KCTD9: variants seen among roughly 807,000 people sequenced by gnomAD.
KCTD9 encodes the protein potassium channel tetramerization domain containing 9.
A neutral mutation model predicts 53.3 loss-of-function variants in KCTD9; 17 were observed. The ratio of observed to expected loss-of-function variants is 0.32; its 90% confidence interval spans 0.22 to 0.48. The LOEUF (loss-of-function observed/expected upper bound fraction) is 0.48. Among genes scored for constraint, KCTD9 ranks in the 20% least tolerant of loss-of-function variants. The pLI, the probability that KCTD9 is intolerant of heterozygous loss-of-function variation, is 0.99. For synonymous variants in KCTD9, 128 were observed against 162.7 expected, an observed-to-expected ratio of 0.79 and a Z score of 1.62; for missense variants, 179 against 465.5, an observed-to-expected ratio of 0.38 and a Z score of 5.66.
chr8:25,436,346 A>G lies in KCTD9; in HGVS notation c.568-16T>C, dbSNP rs1802018332. 6.2e-7 allele frequency: 1 copy of G among 1,600,418 alleles called. No homozygotes were observed. The highest frequency in any genetic ancestry group is 1.7e-5 in the Admixed American group (1 of 59,990). ...GTTGAGAATTCTTAAAAAAGACATTAAGAAATTAGTGGAGTCTTTTGGGAG... is the reference window on the plus strand; with the variant it reads ...GTTGAGAATTCTTAAAAAAGACATTGAGAAATTAGTGGAGTCTTTTGGGAG... On this transcript the variant is annotated splice_polypyrimidine_tract_variant and intron_variant, in intron 7 of 11. Coordinates refer to ENST00000221200, the MANE Select transcript of KCTD9 (RefSeq NM_017634.4).
rs1330742721 is a variant in KCTD9 at position 25,428,976 on chromosome 8, G to A, written c.*881C>T. 6.6e-6 allele frequency: 1 copy of A among 152,108 alleles called. No individual in the cohort carries two copies. Among genetic ancestry groups the A allele is most frequent in the African/African-American group, 2.4e-5 (1 of 41,420 alleles). The allele number at this position is 152,108 out of a possible 1,614,324, so 9.4% of individuals were successfully genotyped here. A position where few individuals can be genotyped will look rare whatever the true frequency, so the allele number is the denominator to read the frequency against. Reference sequence around the variant, plus strand: ...TAAATGAATATTAATGATGCACCTTGGTTTTTTTGGTTTTGAAGTATCTTC... The same window carrying A: ...TAAATGAATATTAATGATGCACCTTAGTTTTTTTGGTTTTGAAGTATCTTC... On this transcript the variant is annotated 3_prime_UTR_variant, in exon 12 of 12. Transcript: ENST00000221200.
intron 6 of KCTD9, among the ~76,000 whole-genome samples, chr8:25,437,137 A>T (rs1802031582): frequency 6.6e-6 from 1 of 152,212 alleles, no homozygotes; most frequent in African/African-American, 2.4e-5. Flanking sequence ...CATCCAAGGT[A>T]CAGCATCGGG....
At chr8:25,458,162 A>ACCCCCCGCCC in intron 1 of KCTD9, 37 bp downstream of exon 1, 1 of 974,604 alleles carries the variant, frequency 1.0e-6, no homozygotes, top group Non-Finnish European at 1.5e-6. Context: ...CCTCGCCCCG[A>ACCCCCCGCCC]CCCCCGGCCC....
chr8:25,429,680 GA>G lies in KCTD9; in HGVS notation c.*176del, dbSNP rs539804908. The G allele has an allele frequency of 7.6e-3, 3,978 of 525,130 alleles. 22 individuals are homozygous for G. The highest frequency in any genetic ancestry group is 0.011 in the Non-Finnish European group (3,139 of 282,852). 32.5% of individuals were successfully genotyped at this position (525,130 alleles called of 1,614,324 possible). On this transcript the variant is annotated 3_prime_UTR_variant, in exon 12 of 12. Transcript: ENST00000221200. ...CTTTTCTGTTAAAAATCAGAATATG[GA>G]AAAAAAGTCAGTTTTTTCCCTTATG... is the stretch of plus-strand genomic sequence containing the variant.
intron 1 of KCTD9, 50 bp from the exon 2 acceptor site, chr8:25,446,300 C>T: frequency 6.3e-7 from 1 of 1,594,760 alleles, no homozygotes; most frequent in Non-Finnish European, 8.6e-7. Context: ...ACATGTTATC[C>T]CCCATAAGTT....
intron 6 of KCTD9, 27 bp downstream of exon 6, chr8:25,439,252 T>G: frequency 6.4e-7 from 1 of 1,550,480 alleles, no homozygotes; most frequent in Non-Finnish European, 8.7e-7. Flanking sequence ...AGTTACATAA[T>G]TATATTGAAA....
intron 4 of KCTD9, among the ~76,000 whole-genome samples, chr8:25,440,040 C>T (rs1009590251): frequency 2.0e-5 from 3 of 150,630 alleles, no homozygotes; most frequent in African/African-American, 7.3e-5. Context: ...GTGTTTATTA[C>T]TCAATATCTA....
intron 9 of KCTD9, 106 bp downstream of exon 9, chr8:25,435,257 A>C: frequency 1.5e-6 from 1 of 679,148 alleles, no homozygotes; most frequent in Non-Finnish European, 2.3e-6. Flanking sequence ...GTTTTCAAGT[A>C]AAAGCTCCAG....
intron 3 of KCTD9, among the ~76,000 whole-genome samples, chr8:25,443,315 T>G (rs1802156428): frequency 6.6e-6 from 1 of 152,108 alleles, no homozygotes; most frequent in Non-Finnish European, 1.5e-5. Context: ...TGAACACCAG[T>G]TATTCCAGAT....
At chr8:25,453,134 G>A (rs1438974301) in intron 1 of KCTD9, among the ~76,000 whole-genome samples, 6 of 151,716 alleles carry the variant, frequency 4.0e-5, no homozygotes, top group African/African-American at 4.8e-5. Flanking sequence ...CGGCTGAGGC[G>A]GGCAGATCAG....
intron 1 of KCTD9, among the ~76,000 whole-genome samples, chr8:25,455,148 C>G (rs1044015536): frequency 6.6e-6 from 1 of 152,110 alleles, no homozygotes; most frequent in African/African-American, 2.4e-5. Context: ...TCGCTTGAAC[C>G]TGGGGGGCAG....
At chr8:25,431,043 C>A (rs1463163702) in intron 11 of KCTD9, among the ~76,000 whole-genome samples, 1 of 151,950 alleles carries the variant, frequency 6.6e-6, no homozygotes, top group Non-Finnish European at 1.5e-5. Context: ...GTTGGCCAGG[C>A]TGGTCTCAAA....
chr8:25,439,202 T>A, intron 6 of KCTD9, 77 bp downstream of exon 6: 1 of 1,166,472 alleles, frequency 8.6e-7, no homozygotes, highest in Non-Finnish European at 1.2e-6. Flanking sequence ...TGTTACTGAG[T>A]GAAACAAAGT....
At chr8:25,450,031 G>A (rs961646380) in intron 1 of KCTD9, among the ~76,000 whole-genome samples, 10 of 152,138 alleles carry the variant, frequency 6.6e-5, no homozygotes, top group Non-Finnish European at 1.2e-4. Context: ...ATACTGCTTG[G>A]CAAGGACTAT....
intron 1 of KCTD9, chr8:25,451,554 A>C (rs1263503884): frequency 6.6e-6 from 1 of 152,188 alleles, no homozygotes; most frequent in African/African-American, 2.4e-5. Context: ...CTAAGAATAG[A>C]AGCATTTTAC....
rs776422899 is a variant in KCTD9 at position 25,446,229 on chromosome 8, A to G, written c.70T>C (p.Leu24=). The change falls in exon 2 of 12, where the codon TTA becomes CTA. Residue 24 remains leucine, a synonymous_variant. Coordinates refer to ENST00000221200, the MANE Select transcript of KCTD9 (RefSeq NM_017634.4). ...CTGGCCACAGAAAGCAAATCAGATA[A>G]AGTTCCATATACAGCAACCACCTGT... The part of the protein sequence containing the change: ...NGKVVAVYGT[L]SDLLSVASSK... The G allele has an allele frequency of 6.2e-6, 10 of 1,613,976 alleles. No homozygotes were observed. The South Asian group carries it at 9.9e-5, about 16-fold the overall frequency.
chr8:25,452,150 C>T (rs1479682422), intron 1 of KCTD9, among the ~76,000 whole-genome samples: 2 of 152,002 alleles, frequency 1.3e-5, no homozygotes, highest in Non-Finnish European at 2.9e-5. Context: ...TTTTCTCTAC[C>T]TATACTTTTA....
intron 10 of KCTD9, 63 bp from the exon 11 acceptor site, chr8:25,432,700 A>G (rs1273358129): frequency 6.9e-7 from 1 of 1,449,120 alleles, no homozygotes; most frequent in Non-Finnish European, 9.3e-7. Flanking sequence ...CTTCAACAGA[A>G]CTGCAAGATG....
chr8:25,434,225 G>A (rs1053924865), intron 9 of KCTD9, among the ~76,000 whole-genome samples: 2 of 152,042 alleles, frequency 1.3e-5, no homozygotes, highest in African/African-American at 4.8e-5. Context: ...TCAGCCTCCT[G>A]AGTAGCTTGA....
Sources: allele counts gnomAD v4.1 joint callset (sites outside exome capture counted in the v4.1 genomes callset), GRCh38; gene constraint gnomAD v4.1.1; transcripts MANE v1.5; gene names NCBI Gene and HGNC (gene_info 2026-07-23, HGNC 2026-07-21).